Variants in SLC39A12 observed in about 807,000 individuals in gnomAD.
The protein encoded by SLC39A12 is solute carrier family 39 member 12.
Under a neutral mutation model 71.1 loss-of-function variants are expected in SLC39A12, and 63 were observed. That is an observed-to-expected ratio of 0.89 (90% CI 0.72 to 1.09). The LOEUF is 1.09. Among genes scored for constraint, SLC39A12 ranks in the 50% least tolerant of loss-of-function variants. SLC39A12 has a pLI of 0.00. For synonymous variants in SLC39A12, 351 were observed against 301.3 expected, an observed-to-expected ratio of 1.16 and a Z score of -1.71; for missense variants, 892 against 812.6, an observed-to-expected ratio of 1.10 and a Z score of -1.19.
intron 11 of SLC39A12, 138 bp downstream of exon 11, chr10:18,000,963 T>C: frequency 4.6e-6 from 4 of 876,300 alleles, no homozygotes; most frequent in Non-Finnish European, 6.8e-6. Flanking sequence ...ATTTAAACCA[T>C]AAGAAGAGGA....
intron 12 of SLC39A12, among the ~76,000 whole-genome samples, chr10:18,006,657 G>A (rs1275000636): frequency 6.6e-6 from 1 of 152,198 alleles, no homozygotes; most frequent in Non-Finnish European, 1.5e-5. Flanking sequence ...TTCTGATGAG[G>A]CTCAAGAAAT....
chr10:18,003,740 G>A (rs1226952885), intron 12 of SLC39A12, among the ~76,000 whole-genome samples: 1 of 152,170 alleles, frequency 6.6e-6, no homozygotes, highest in East Asian at 1.9e-4. Flanking sequence ...AAAATGAAAA[G>A]TTCTGTCAAT....
At position 18,042,411 on chromosome 10, in the gene SLC39A12, C is replaced by A. The variant is rs777035570; in HGVS notation, c.1948-294C>A. On this transcript the variant is annotated intron_variant, in intron 12 of 12. Transcript: ENST00000377369. ...CCAGGAGGTTGCTGTGAAATGTGAT[C>A]GCAGCCATTGCACTCCAGCCTGGGT... Among the ~76,000 whole-genome samples, 7 of 146,188 alleles carry A rather than the reference C, an allele frequency of 4.8e-5. No individual in the cohort carries two copies. The East Asian group carries it at 1.5e-3, about 30-fold the overall frequency.
intron 7 of SLC39A12, among the ~76,000 whole-genome samples, chr10:17,988,710 G>A (rs988436579): frequency 1.3e-5 from 2 of 152,152 alleles, no homozygotes; most frequent in African/African-American, 4.8e-5. Context: ...AGGAGGAGGA[G>A]AGAGAGGCAG....
intron 12 of SLC39A12, among the ~76,000 whole-genome samples, chr10:18,008,880 TC>T (rs1836115569): frequency 1.3e-5 from 2 of 152,170 alleles, no homozygotes; most frequent in African/African-American, 4.8e-5. Context: ...AGCTGAATGT[TC>T]CGCCTAAGAA....
At chr10:18,023,156 G>C (rs564261031) in intron 12 of SLC39A12, among the ~76,000 whole-genome samples, 1 of 152,120 alleles carries the variant, frequency 6.6e-6, no homozygotes, top group Non-Finnish European at 1.5e-5. Context: ...CCAGCTGGGG[G>C]GCAGCAGGGA....
At chr10:18,031,280 C>T (rs1836841103) in intron 12 of SLC39A12, among the ~76,000 whole-genome samples, 2 of 140,298 alleles carry the variant, frequency 1.4e-5, no homozygotes, top group Non-Finnish European at 3.2e-5. Flanking sequence ...TAAAATTGTT[C>T]CTATTTCTCC....
chr10:17,981,029 T>C (rs747335074), intron 5 of SLC39A12, among the ~76,000 whole-genome samples: 3 of 152,248 alleles, frequency 2.0e-5, no homozygotes, highest in African/African-American at 2.4e-5. Flanking sequence ...ACTCAACACA[T>C]TGTAAAACAC....
chr10:17,951,968 C>G lies in SLC39A12; in HGVS notation c.-144C>G, dbSNP rs375445471. The G allele has an allele frequency of 5.9e-5, 9 of 152,294 alleles. No homozygotes were observed. In the East Asian group the frequency reaches 1.3e-3, roughly 23 times the overall value. The allele number at this position is 152,294 out of a possible 1,614,324, so 9.4% of individuals were successfully genotyped here. Reference sequence around the variant, plus strand: ...GAACTTTGTAACTGTGAAATACTCTCCAGGATTTAAAAGGCTGTGGAGCTC... The same window carrying G: ...GAACTTTGTAACTGTGAAATACTCTGCAGGATTTAAAAGGCTGTGGAGCTC... On this transcript the variant is annotated 5_prime_UTR_variant, in exon 1 of 13. Transcript: ENST00000377369.
At chr10:18,002,900 A>T in intron 11 of SLC39A12, 4 of 291,258 alleles carry the variant, frequency 1.4e-5, no homozygotes, top group Non-Finnish European at 2.5e-5. Context: ...GGATATCAAG[A>T]ACTCAAGAAT....
intron 9 of SLC39A12, among the ~76,000 whole-genome samples, chr10:17,994,446 C>G (rs746833001): frequency 1.3e-5 from 2 of 151,668 alleles, no homozygotes; most frequent in African/African-American, 2.4e-5. Context: ...TTTTCCCAAT[C>G]AATAAGAAGT....
At position 17,993,306 on chromosome 10, in the gene SLC39A12, T is replaced by A; in HGVS notation, c.1533+15T>A. 6.9e-7 allele frequency: 1 copy of A among 1,456,416 alleles called. No homozygotes were observed. The highest frequency in any genetic ancestry group is 9.4e-7 in the Non-Finnish European group (1 of 1,060,226). The allele number at this position is 1,456,416 out of a possible 1,614,324, so 90.2% of individuals were successfully genotyped here. A position where few individuals can be genotyped will look rare whatever the true frequency, so the allele number is the denominator to read the frequency against. On this transcript the variant is annotated intron_variant, in intron 9 of 12. Coordinates refer to ENST00000377369, the MANE Select transcript of SLC39A12 (RefSeq NM_001145195.2). ...CTATCCAGTTGGTAGGTTCCTGATC[T>A]GAAGCATTCTACTGATCTGATTACC...
rs550320751 is a variant in SLC39A12, at chr10:17,962,110, G to C, written c.543+248G>C. Among the ~76,000 whole-genome samples, 92 of 152,288 alleles carry C rather than the reference G, an allele frequency of 6.0e-4. 2 individuals are homozygous for C. Among genetic ancestry groups the C allele is most frequent in the Non-Finnish European group, 2.4e-4 (16 of 68,022 alleles). On this transcript the variant is annotated intron_variant, in intron 3 of 12. Coordinates refer to ENST00000377369, the MANE Select transcript of SLC39A12 (RefSeq NM_001145195.2). The stretch of plus-strand genomic sequence containing the variant: ...GGTGGACAGGCAGTCCAGGTGACAG[G>C]TCAGCTGTCTTCTCCTGGGTCCCTC...
At chr10:18,015,600 A>C (rs988005569) in intron 12 of SLC39A12, among the ~76,000 whole-genome samples, 1 of 151,044 alleles carries the variant, frequency 6.6e-6, no homozygotes, top group Admixed American at 6.6e-5. Context: ...CAAACACTCT[A>C]GTAACTCGAA....
chr10:17,959,027 T>C (rs957591195), intron 2 of SLC39A12, among the ~76,000 whole-genome samples: 4 of 152,208 alleles, frequency 2.6e-5, no homozygotes, highest in South Asian at 2.1e-4. Context: ...GCTGGGCACA[T>C]GGCTACCAAC....
intron 2 of SLC39A12, among the ~76,000 whole-genome samples, chr10:17,955,718 A>T (rs1834528309): frequency 6.6e-6 from 1 of 152,154 alleles, no homozygotes; most frequent in Admixed American, 6.5e-5. Flanking sequence ...TAAAAAGTGA[A>T]TTTTTTAAAA....
At chr10:18,007,022 C>T (rs1288642453) in intron 12 of SLC39A12, 2 of 152,334 alleles carry the variant, frequency 1.3e-5, no homozygotes, top group Non-Finnish European at 2.9e-5. Flanking sequence ...CTCAAATGCC[C>T]TCCTTTCCTC....
rs934237806 is a variant in SLC39A12, at chr10:17,993,273, T to C, written c.1515T>C (p.Ser505=). 2.3e-5 allele frequency: 36 copies of C among 1,551,486 alleles called. No homozygotes were observed. Among genetic ancestry groups the C allele is most frequent in the Non-Finnish European group, 2.2e-5 (25 of 1,146,648 alleles). The change falls in exon 9 of 13, where the codon TCT becomes TCC. Residue 505 remains serine (S), a synonymous_variant. Coordinates refer to ENST00000377369, the MANE Select transcript of SLC39A12 (RefSeq NM_001145195.2). ...GTGACCAGGCAGGCAGAGGCAAATC[T>C]GCTTCAACTATCCAGTTGGTAGGTT... ...ELSDQAGRGK[S]ASTIQLKSPE...
At chr10:18,014,238 G>A (rs138920884) in intron 12 of SLC39A12, among the ~76,000 whole-genome samples, 2,076 of 151,408 alleles carry the variant, frequency 0.014, 22 homozygotes, top group Non-Finnish European at 0.021. Flanking sequence ...ATTTGTTTTC[G>A]TTTCTTTTTT....
Sources: allele counts gnomAD v4.1 joint callset (sites outside exome capture counted in the v4.1 genomes callset), GRCh38; gene constraint gnomAD v4.1.1; transcripts MANE v1.5; gene names NCBI Gene and HGNC (gene_info 2026-07-23, HGNC 2026-07-21).